Variants in VANGL1 observed in about 807,000 individuals in gnomAD.
VANGL1 encodes the protein vang-like protein 1.
In VANGL1, 18 loss-of-function variants were observed where a neutral mutation model predicts 48.4. The ratio of observed to expected loss-of-function variants is 0.37; its 90% CI spans 0.26 to 0.55. The LOEUF (loss-of-function observed/expected upper bound fraction) is 0.55. Among genes scored for constraint, VANGL1 ranks in the 20% least tolerant of loss-of-function variants. VANGL1 has a pLI of 0.81. For missense variants in VANGL1, 667 were observed against 675.8 expected (o/e 0.99, Z 0.14); for synonymous variants, 257 against 261.8 (o/e 0.98, Z 0.18).
In VANGL1 at chr1:115,682,226, G is replaced by C. The variant is rs1287011644; in HGVS notation, c.813-138G>C. On this transcript the variant is annotated intron_variant, in intron 4 of 7. Transcript: ENST00000355485. Reference sequence around the variant, plus strand: ...TTCTCATCCTGGAGACCAGAAGTGTGGTGGAACCCAGTGGACTTCTGTATG... The same window carrying C: ...TTCTCATCCTGGAGACCAGAAGTGTCGTGGAACCCAGTGGACTTCTGTATG... 8 of 1,227,446 alleles carry C rather than the reference G, an allele frequency of 6.5e-6. No individual in the cohort carries two copies. The Admixed American group carries it at 1.2e-4, about 19-fold the overall frequency. 76.0% of individuals were successfully genotyped at this position (1,227,446 alleles called of 1,614,324 possible).
At position 115,691,428 on chromosome 1, in the gene VANGL1, G is replaced by C; in HGVS notation, c.*49G>C. 6.4e-7 allele frequency: 1 copy of C among 1,553,646 alleles called. No individual in the cohort carries two copies. Among genetic ancestry groups the C allele is most frequent in the Non-Finnish European group, 8.7e-7 (1 of 1,143,622 alleles). On this transcript the variant is annotated 3_prime_UTR_variant, in exon 8 of 8. Coordinates refer to ENST00000355485, the MANE Select transcript of VANGL1 (RefSeq NM_138959.3). ...TAAAAAAAAAAGAAAAATATATAGA[G>C]AGATATATATCTATGCCAGAGGGGT...
intron 4 of VANGL1, among the ~76,000 whole-genome samples, chr1:115,678,855 T>G (rs1342063896): frequency 1.3e-5 from 2 of 151,090 alleles, no homozygotes; most frequent in Non-Finnish European, 2.9e-5. Context: ...TTTGGGAGCC[T>G]GAGGCAGGAG....
chr1:115,653,288 C>T (rs140338948), intron 2 of VANGL1, among the ~76,000 whole-genome samples: 1 of 152,158 alleles, frequency 6.6e-6, no homozygotes, highest in African/African-American at 2.4e-5. Context: ...TGGACGGGGC[C>T]TGTGGTGACA....
intron 1 of VANGL1, among the ~76,000 whole-genome samples, chr1:115,650,256 A>G (rs1195581366): frequency 6.6e-6 from 1 of 152,142 alleles, no homozygotes; most frequent in Non-Finnish European, 1.5e-5. Context: ...TTGCAGTTTC[A>G]GCTTCCAGCG....
At chr1:115,666,312 A>C (rs1186035550) in intron 4 of VANGL1, among the ~76,000 whole-genome samples, 1 of 152,172 alleles carries the variant, frequency 6.6e-6, no homozygotes, top group Non-Finnish European at 1.5e-5. Context: ...GGGCTCCCAC[A>C]TCGCTCCTCC....
At chr1:115,649,083 A>G (rs1652041136) in intron 1 of VANGL1, among the ~76,000 whole-genome samples, 1 of 152,164 alleles carries the variant, frequency 6.6e-6, no homozygotes, top group Non-Finnish European at 1.5e-5. Flanking sequence ...AGCAGGTGAG[A>G]AAACAGCAAA....
At chr1:115,672,649 C>G (rs1293812283) in intron 4 of VANGL1, among the ~76,000 whole-genome samples, 2 of 152,112 alleles carry the variant, frequency 1.3e-5, no homozygotes, top group African/African-American at 4.8e-5. Flanking sequence ...AGTTTTTGTC[C>G]CTCTTTGTCC....
At chr1:115,671,564 G>A (rs1357842004) in intron 4 of VANGL1, among the ~76,000 whole-genome samples, 2 of 152,166 alleles carry the variant, frequency 1.3e-5, no homozygotes, top group Admixed American at 6.5e-5. Context: ...CTTTTTCTTA[G>A]AGCACCCTAA....
chr1:115,683,104 A>AT (rs1425748872), intron 5 of VANGL1, among the ~76,000 whole-genome samples: 3 of 152,148 alleles, frequency 2.0e-5, no homozygotes, highest in African/African-American at 7.2e-5. Context: ...AAGTCAAGTG[A>AT]TTTATATACA....
chr1:115,687,713 G>C lies in VANGL1; in HGVS notation c.1314+2186G>C, dbSNP rs1482303653. 2.5e-4 allele frequency among the ~76,000 whole-genome samples: 27 copies of C among 106,372 alleles called. 3 individuals are homozygous for C. The highest frequency in any genetic ancestry group is 1.2e-3 in the Admixed American group (11 of 9,370). The allele number at this position is 106,372 out of a possible 152,430, so 69.8% of individuals were successfully genotyped here. ...CATTGCTCTCTCTTTCTCTGTGTGT[G>C]TGTGTGTGTGTGTGTGTGTGTGTGT... On this transcript the variant is annotated intron_variant, in intron 7 of 7. Coordinates refer to ENST00000355485, the MANE Select transcript of VANGL1 (RefSeq NM_138959.3).
At chr1:115,684,175 G>C (rs1321201457) in intron 6 of VANGL1, 99 bp downstream of exon 6, 5 of 1,239,520 alleles carry the variant, frequency 4.0e-6, no homozygotes, top group Non-Finnish European at 5.2e-6. Context: ...ATCTCACTCT[G>C]TTGCCCAGGC....
In VANGL1 at chr1:115,651,363, C is replaced by G; in HGVS notation, c.-51C>G. The G allele has an allele frequency of 8.3e-6, 13 of 1,571,380 alleles. No individual in the cohort carries two copies. Among genetic ancestry groups the G allele is most frequent in the Non-Finnish European group, 1.1e-5 (13 of 1,143,978 alleles). On this transcript the variant is annotated 5_prime_UTR_variant, in exon 2 of 8. Transcript: ENST00000355485. The stretch of plus-strand genomic sequence containing the variant: ...GTCTGGTAGGTGAAATTTTCTACCT[C>G]TAAGGAGAAACAGTACCTGCTCCTT...
chr1:115,651,200 G>T (rs17034095), intron 1 of VANGL1, 77 bp from the exon 2 acceptor site: 11,464 of 568,256 alleles, frequency 0.02, 932 homozygotes, highest in African/African-American at 0.18. Flanking sequence ...AGGAGGTGTG[G>T]CTTTGTCATT....
At chr1:115,682,250 TG>T in intron 4 of VANGL1, 113 bp from the exon 5 acceptor site, 1 of 1,365,752 alleles carries the variant, frequency 7.3e-7, no homozygotes, top group Admixed American at 2.0e-5. Context: ...GACTTCTGTA[TG>T]AGATTATCTT....
intron 2 of VANGL1, among the ~76,000 whole-genome samples, chr1:115,658,443 T>C (rs10923133): frequency 0.12 from 18,174 of 152,292 alleles, 1,693 homozygotes; most frequent in African/African-American, 0.27. Context: ...ATCCTTGTAC[T>C]GAGCACTACT....
intron 5 of VANGL1, 81 bp downstream of exon 5, chr1:115,682,578 C>A: frequency 6.2e-7 from 1 of 1,604,444 alleles, no homozygotes; most frequent in South Asian, 1.1e-5. Context: ...ACGTTTGGTT[C>A]GACTTCTTCT....
Position 115,687,868 on chromosome 1 carries a change from T to C in VANGL1, c.1314+2341T>C, listed in dbSNP as rs1259775517. ...CTAGAACTCCTCAGCTCAAGTAATC[T>C]ACCTGCCTCAGCCTTGCAAAGTGCT... is the stretch of plus-strand genomic sequence containing the variant. On this transcript the variant is annotated intron_variant, in intron 7 of 7. Coordinates refer to ENST00000355485, the MANE Select transcript of VANGL1 (RefSeq NM_138959.3). Among the ~76,000 whole-genome samples the C allele has an allele frequency of 1.5e-5, 2 of 135,706 alleles. 1 individual carries two copies. The highest frequency in any genetic ancestry group is 3.2e-5 in the Non-Finnish European group (2 of 62,802). 89.0% of individuals were successfully genotyped at this position (135,706 alleles called of 152,430 possible). A position where few individuals can be genotyped will look rare whatever the true frequency, so the allele number is the denominator to read the frequency against.
intron 4 of VANGL1, among the ~76,000 whole-genome samples, chr1:115,677,268 C>A (rs1397577003): frequency 6.6e-6 from 1 of 152,244 alleles, no homozygotes; most frequent in Non-Finnish European, 1.5e-5. Flanking sequence ...CAAGGGCAAG[C>A]CCCTCTTCTC....
At chr1:115,654,199 A>G (rs999424500) in intron 2 of VANGL1, among the ~76,000 whole-genome samples, 9 of 152,138 alleles carry the variant, frequency 5.9e-5, no homozygotes, top group Admixed American at 1.3e-4. Flanking sequence ...GAGGGGGACC[A>G]TGCTCTTTGG....
Sources: gnomAD v4.1 joint callset for allele counts (sites outside exome capture counted in the v4.1 genomes callset) on GRCh38, gnomAD v4.1.1 for gene constraint, MANE v1.5 for transcripts, NCBI Gene and HGNC (gene_info 2026-07-23, HGNC 2026-07-21) for gene names.